The following TECTB variants were observed in gnomAD, a reference collection of about 807,000 sequenced individuals.
TECTB encodes beta-tectorin.
In TECTB, 45 loss-of-function variants were observed where a neutral mutation model predicts 43.3. That is an observed-to-expected ratio of 1.04 (90% CI 0.82 to 1.33). The LOEUF (loss-of-function observed/expected upper bound fraction) is 1.33. Ranked by LOEUF, TECTB falls within the 40% of genes most tolerant of loss-of-function variation. The pLI, the probability that TECTB is intolerant of heterozygous loss-of-function variation, is 0.00. For synonymous variants in TECTB, 169 were observed against 156.7 expected (o/e 1.08, Z -0.59); for missense variants, 399 against 404.7 (o/e 0.99, Z 0.12).
At chr10:112,297,920 G>A (rs1848562990) in intron 7 of TECTB, 149 bp from the exon 8 acceptor site, 1 of 983,916 alleles carries the variant, frequency 1.0e-6, no homozygotes, top group East Asian at 2.5e-5. Flanking sequence ...TCACAGTTGT[G>A]AAGATCAAGT....
At position 112,303,311 on chromosome 10, in the gene TECTB, A is replaced by C. The variant is rs1368342465; in HGVS notation, c.989A>C (p.Ter330SerextTer13). Residue 330 changes from the stop codon to serine, a stop_lost, in exon 11 of 11, where the codon TAG (stop) becomes TCG (serine). Transcript: ENST00000646139. ...ATGTTGGGGATTTGTGCCGTGTTAT[A>C]GGAGTTAGCCAGGCAGCTGCCGCTC... ...IMMLGICAVL[*>S] The C allele has an allele frequency of 6.2e-7, 1 of 1,614,162 alleles. No individual in the cohort carries two copies. Among genetic ancestry groups the C allele is most frequent in the South Asian group, 1.1e-5 (1 of 91,074 alleles).
chr10:112,300,747 A>C (rs1848604223), intron 9 of TECTB, among the ~76,000 whole-genome samples: 1 of 152,252 alleles, frequency 6.6e-6, no homozygotes, highest in Non-Finnish European at 1.5e-5. Context: ...AGGGATGCTC[A>C]ACTAGTATAA....
chr10:112,292,510 T>C (rs1489538237), intron 5 of TECTB, among the ~76,000 whole-genome samples: 1 of 152,110 alleles, frequency 6.6e-6, no homozygotes, highest in Non-Finnish European at 1.5e-5. Flanking sequence ...TCTTGGCTCA[T>C]GGCAACCTCC....
chr10:112,285,540 G>C (rs2133347054), intron 3 of TECTB, among the ~76,000 whole-genome samples: 1 of 152,308 alleles, frequency 6.6e-6, no homozygotes, highest in East Asian at 1.9e-4. Flanking sequence ...AATCAGCTGT[G>C]TGGTCTCAGG....
At chr10:112,296,862 A>C (rs113098986) in intron 7 of TECTB, among the ~76,000 whole-genome samples, 45 of 152,274 alleles carry the variant, frequency 3.0e-4, no homozygotes, top group African/African-American at 9.4e-4. Flanking sequence ...ACAAGAAGAA[A>C]GATGCTTCAG....
At chr10:112,299,227 A>G (rs1197662947) in intron 8 of TECTB, among the ~76,000 whole-genome samples, 1 of 152,246 alleles carries the variant, frequency 6.6e-6, no homozygotes, top group East Asian at 1.9e-4. Flanking sequence ...TTCCACACTC[A>G]ATGACCTCTT....
At chr10:112,292,328 T>C (rs1391944218) in intron 5 of TECTB, among the ~76,000 whole-genome samples, 1 of 152,180 alleles carries the variant, frequency 6.6e-6, no homozygotes, top group Admixed American at 6.5e-5. Context: ...ATATCCCACA[T>C]GCCAGGCCAG....
intron 2 of TECTB, among the ~76,000 whole-genome samples, chr10:112,284,291 A>G (rs1216932621): frequency 6.6e-6 from 1 of 152,192 alleles, no homozygotes; most frequent in African/African-American, 2.4e-5. Context: ...TTCCAAATGG[A>G]CTAATTTTAA....
intron 9 of TECTB, among the ~76,000 whole-genome samples, chr10:112,301,720 G>C (rs1266357776): frequency 7.9e-5 from 12 of 152,052 alleles, no homozygotes; most frequent in Non-Finnish European, 1.3e-4. Context: ...GAGGATTGTG[G>C]TCAGGTTTTG....
chr10:112,286,606 GTATAAGA>G (rs1848456528), intron 5 of TECTB, among the ~76,000 whole-genome samples: 1 of 151,728 alleles, frequency 6.6e-6, no homozygotes, highest in African/African-American at 2.4e-5. Context: ...GAGCTGAAAG[GTATAAGA>G]TATAAGCTAT....
chr10:112,291,875 G>A (rs565838237), intron 5 of TECTB, among the ~76,000 whole-genome samples: 11 of 152,240 alleles, frequency 7.2e-5, no homozygotes, highest in South Asian at 2.1e-4. Flanking sequence ...AGTGGCTCAC[G>A]CCTGTAATCC....
intron 5 of TECTB, among the ~76,000 whole-genome samples, chr10:112,293,047 C>A (rs1173960161): frequency 6.6e-6 from 1 of 152,210 alleles, no homozygotes; most frequent in African/African-American, 2.4e-5. Context: ...TCTTCCTTAT[C>A]CCACTCTGCA....
chr10:112,297,279 T>C (rs1848556872), intron 7 of TECTB, among the ~76,000 whole-genome samples: 1 of 152,104 alleles, frequency 6.6e-6, no homozygotes, highest in African/African-American at 2.4e-5. Context: ...CAGTGCCAAA[T>C]GTCCCCTGGG....
chr10:112,299,597 C>T lies in TECTB; in HGVS notation c.907+33C>T, dbSNP rs74158713. ...TCTCTGTTTTCCTCTGTTTTCCAAA[C>T]GGTTGAGTTCACGCTGGGCTGCGTC... On this transcript the variant is annotated intron_variant, in intron 9 of 10. Coordinates refer to ENST00000646139, the MANE Select transcript of TECTB (RefSeq NM_058222.3). The T allele has an allele frequency of 3.5e-4, 569 of 1,608,998 alleles. 2 individuals carry two copies. In the African/African-American group the frequency reaches 6.2e-3, roughly 17 times the overall value.
intron 5 of TECTB, among the ~76,000 whole-genome samples, chr10:112,289,776 C>T (rs1374847563): frequency 6.6e-6 from 1 of 152,106 alleles, no homozygotes; most frequent in Non-Finnish European, 1.5e-5. Context: ...TTTATCAGAC[C>T]CGTGCAGGCC....
chr10:112,297,032 G>T (rs185267878), intron 7 of TECTB, among the ~76,000 whole-genome samples: 141 of 152,300 alleles, frequency 9.3e-4, no homozygotes, highest in African/African-American at 2.8e-3. Context: ...TCCCAAGAAT[G>T]GTTGCGTCTG....
In TECTB at chr10:112,293,968, T is replaced by C. The variant is rs1439701991; in HGVS notation, c.588-10T>C. 6.2e-7 allele frequency: 1 copy of C among 1,614,196 alleles called. No homozygotes were observed. The highest frequency in any genetic ancestry group is 1.7e-5 in the Admixed American group (1 of 60,036). On this transcript the variant is annotated splice_polypyrimidine_tract_variant and intron_variant, in intron 6 of 10. Transcript: ENST00000646139. Reference sequence around the variant, plus strand: ...TGTTTCAAAGTGATGCCATTTTGTTTTATTTCCAGGTTTAAAGTGGTCTTG... The same window carrying C: ...TGTTTCAAAGTGATGCCATTTTGTTCTATTTCCAGGTTTAAAGTGGTCTTG...
At chr10:112,301,209 G>A (rs1187781320) in intron 9 of TECTB, among the ~76,000 whole-genome samples, 1 of 152,164 alleles carries the variant, frequency 6.6e-6, no homozygotes, top group Non-Finnish European at 1.5e-5. Context: ...GATCACCTGA[G>A]GTCAGGAGTT....
chr10:112,302,106 G>T lies in TECTB; in HGVS notation c.913G>T (p.Gly305Ter). ...TCTCTCTTTACTCACTACAGGCAGG[G>T]GATTTTCCAGTCTCTATAGCTTCTC... is the stretch of plus-strand genomic sequence containing the variant. ...LVVELSLRSRGFSSLYSFSDV... is the reference protein window; with the variant it reads ...LVVELSLRSR Residue 305 changes from glycine to a stop codon, truncating the protein, a stop_gained, in exon 10 of 11, where the codon GGA becomes TGA. Coordinates refer to ENST00000646139, the MANE Select transcript of TECTB (RefSeq NM_058222.3). LOFTEE classifies it high-confidence loss of function. 6.2e-7 allele frequency: 1 copy of T among 1,613,980 alleles called. No homozygotes were observed. The highest frequency in any genetic ancestry group is 1.7e-4 in the Middle Eastern group (1 of 6,060).
Sources: allele counts gnomAD v4.1 joint callset (sites outside exome capture counted in the v4.1 genomes callset), GRCh38; gene constraint gnomAD v4.1.1; transcripts MANE v1.5; gene names NCBI Gene and HGNC (gene_info 2026-07-23, HGNC 2026-07-21).